Variants in CAMKMT observed in about 807,000 individuals in gnomAD.
CAMKMT encodes the protein calmodulin-lysine N-methyltransferase, also known as CaM KMT.
CAMKMT carries 53 observed loss-of-function variants against 48.0 expected under a neutral mutation model. The observed-to-expected ratio is 1.10, with a 90% confidence interval of 0.89 to 1.39. The LOEUF is 1.39. Ranked by LOEUF, CAMKMT falls within the 40% of genes most tolerant of loss-of-function variation. The pLI is 0.00. For synonymous variants in CAMKMT, 165 were observed against 152.3 expected (o/e 1.08, Z -0.61); for missense variants, 428 against 402.7 (o/e 1.06, Z -0.54).
At chr2:44,523,383 C>G (rs1168842391) in intron 3 of CAMKMT, among the ~76,000 whole-genome samples, 1 of 151,068 alleles carries the variant, frequency 6.6e-6, no homozygotes. Flanking sequence ...ATCTCTGCCT[C>G]CCAGGTTCAA....
At chr2:44,732,974 G>C (rs566808969) in intron 7 of CAMKMT, among the ~76,000 whole-genome samples, 28 of 152,242 alleles carry the variant, frequency 1.8e-4, no homozygotes, top group Non-Finnish European at 1.3e-4. Context: ...CAAGACTCTT[G>C]TGTGTGTCTA....
chr2:44,448,167 A>G (rs774099431), intron 3 of CAMKMT, among the ~76,000 whole-genome samples: 8 of 152,200 alleles, frequency 5.3e-5, no homozygotes, highest in Non-Finnish European at 1.0e-4. Context: ...GTCACATCTG[A>G]AAGTTGACCC....
intron 9 of CAMKMT, among the ~76,000 whole-genome samples, chr2:44,760,728 G>A (rs138524767): frequency 6.6e-6 from 1 of 152,112 alleles, no homozygotes; most frequent in African/African-American, 2.4e-5. Flanking sequence ...GTGTGGTCAG[G>A]TGTACCTTCT....
chr2:44,772,248 C>A lies in CAMKMT; in HGVS notation c.*135C>A. On this transcript the variant is annotated 3_prime_UTR_variant, in exon 11 of 11. Transcript: ENST00000378494. ...TTTCACGTGTGGGCTATGGACTCCACCTGTCCTCACCCACGTTATTCCCCA... is the reference window on the plus strand; with the variant it reads ...TTTCACGTGTGGGCTATGGACTCCAACTGTCCTCACCCACGTTATTCCCCA... 1.6e-6 allele frequency: 1 copy of A among 644,618 alleles called. No homozygotes were observed. Among genetic ancestry groups the A allele is most frequent in the Non-Finnish European group, 2.7e-6 (1 of 372,510 alleles). 39.9% of individuals were successfully genotyped at this position (644,618 alleles called of 1,614,324 possible).
chr2:44,503,066 T>G (rs1303477855), intron 3 of CAMKMT, among the ~76,000 whole-genome samples: 1 of 152,166 alleles, frequency 6.6e-6, no homozygotes, highest in Non-Finnish European at 1.5e-5. Context: ...TCCATGTTAT[T>G]TTTCTTACCA....
At chr2:44,388,927 A>T (rs369374904) in intron 2 of CAMKMT, among the ~76,000 whole-genome samples, 4 of 152,108 alleles carry the variant, frequency 2.6e-5, no homozygotes, top group South Asian at 2.1e-4. Context: ...GGTACAATGG[A>T]GTCCGTGAGG....
chr2:44,659,925 G>A (rs1230236415), intron 3 of CAMKMT, among the ~76,000 whole-genome samples: 2 of 151,916 alleles, frequency 1.3e-5, no homozygotes, highest in African/African-American at 4.8e-5. Flanking sequence ...TTTGGTCCCT[G>A]GACACCTCTT....
At chr2:44,484,299 G>T (rs901499315) in intron 3 of CAMKMT, among the ~76,000 whole-genome samples, 27 of 151,834 alleles carry the variant, frequency 1.8e-4, no homozygotes, top group Non-Finnish European at 4.4e-5. Context: ...GAAGAAAGTT[G>T]GAAGATTTAC....
At chr2:44,497,709 A>AAGAGAGAGAGAGAGAGAGAGAG (rs70937918) in intron 3 of CAMKMT, among the ~76,000 whole-genome samples, 64 of 138,982 alleles carry the variant, frequency 4.6e-4, no homozygotes, top group East Asian at 2.2e-3. Flanking sequence ...TAAGCAGGCA[A>AAGAGAGAGAGAGAGAGAGAGAG]AGAGAGAGAG....
At chr2:44,620,313 A>C (rs900838291) in intron 3 of CAMKMT, among the ~76,000 whole-genome samples, 1 of 151,686 alleles carries the variant, frequency 6.6e-6, no homozygotes, top group African/African-American at 2.4e-5. Flanking sequence ...CCAGGACCGT[A>C]CTGTTGGACA....
chr2:44,442,021 G>C (rs1291971184), intron 3 of CAMKMT, among the ~76,000 whole-genome samples: 1 of 152,138 alleles, frequency 6.6e-6, no homozygotes, highest in Non-Finnish European at 1.5e-5. Context: ...AAAGTTATTA[G>C]GCTGGTCTTC....
intron 3 of CAMKMT, among the ~76,000 whole-genome samples, chr2:44,558,409 G>T (rs184410699): frequency 6.6e-6 from 1 of 152,100 alleles, no homozygotes; most frequent in Non-Finnish European, 1.5e-5. Context: ...TTTAGACCTC[G>T]GGTGGACCAA....
intron 3 of CAMKMT, among the ~76,000 whole-genome samples, chr2:44,614,950 T>TC (rs1671798526): frequency 7.6e-6 from 1 of 131,332 alleles, no homozygotes; most frequent in East Asian, 2.0e-4. Context: ...TTTTTTTTTT[T>TC]TTTTTTTTTT....
chr2:44,526,713 A>G (rs1209245610), intron 3 of CAMKMT, among the ~76,000 whole-genome samples: 1 of 151,940 alleles, frequency 6.6e-6, no homozygotes, highest in Non-Finnish European at 1.5e-5. Context: ...GGCAAGGGCG[A>G]TTTTTTTTAC....
At chr2:44,501,005 T>C (rs1200202441) in intron 3 of CAMKMT, among the ~76,000 whole-genome samples, 2 of 151,850 alleles carry the variant, frequency 1.3e-5, no homozygotes, top group African/African-American at 2.4e-5. Context: ...AGATCAAAGA[T>C]ATAGAGAGAA....
intron 3 of CAMKMT, among the ~76,000 whole-genome samples, chr2:44,489,317 C>G: frequency 6.8e-6 from 1 of 146,936 alleles, no homozygotes; most frequent in East Asian, 2.0e-4. Context: ...GCAATCTTGG[C>G]TCACTGCAAT....
At chr2:44,722,482 T>C (rs555784373) in intron 7 of CAMKMT, among the ~76,000 whole-genome samples, 1 of 152,238 alleles carries the variant, frequency 6.6e-6, no homozygotes, top group South Asian at 2.1e-4. Flanking sequence ...TAAAAGAATT[T>C]TGAAGTTTGT....
intron 3 of CAMKMT, among the ~76,000 whole-genome samples, chr2:44,429,707 A>T (rs1160930295): frequency 2.0e-5 from 3 of 146,654 alleles, no homozygotes; most frequent in Non-Finnish European, 4.5e-5. Flanking sequence ...AGGCTGAGGC[A>T]GGAGAATGGC....
rs776158134 is a variant in CAMKMT, at chr2:44,743,669, A to G, written c.671A>G (p.His224Arg). The G allele has an allele frequency of 4.3e-6, 7 of 1,613,326 alleles. No homozygotes were observed. The highest frequency in any genetic ancestry group is 1.7e-5 in the Admixed American group (1 of 60,000). The part of the protein sequence containing the change: ...NETDVSQLEG[H>R]FDIVMCADCL... The stretch of plus-strand genomic sequence containing the variant: ...ACAGATGTCTCTCAACTGGAAGGAC[A>G]TTTTGACATTGTTATGTGTGCTGAC... Residue 224 changes from histidine to arginine, a missense_variant, in exon 8 of 11, where the codon CAT becomes CGT. His to Arg is a conservative substitution (Grantham distance 29, BLOSUM62 0). Transcript: ENST00000378494.
Sources: allele counts gnomAD v4.1 joint callset (sites outside exome capture counted in the v4.1 genomes callset), GRCh38; gene constraint gnomAD v4.1.1; transcripts MANE v1.5; gene names NCBI Gene and HGNC (gene_info 2026-07-23, HGNC 2026-07-21).